Variants in VWC2L observed in about 807,000 individuals in gnomAD.
VWC2L encodes von Willebrand factor C domain containing 2 like.
Under a neutral mutation model 21.6 loss-of-function variants are expected in VWC2L, and 10 were observed. The observed-to-expected ratio is 0.46, with a 90% confidence interval of 0.29 to 0.78. VWC2L has a LOEUF of 0.78. Ranked by LOEUF, VWC2L falls within the 30% of genes least tolerant of loss-of-function variation. VWC2L has a pLI of 0.10. For missense variants in VWC2L, 209 were observed against 277.1 expected (o/e 0.75, Z 1.74); for synonymous variants, 96 against 94.3 (o/e 1.02, Z -0.10).
chr2:214,565,451 C>T (rs1324312106), intron 3 of VWC2L, among the ~76,000 whole-genome samples: 1 of 152,098 alleles, frequency 6.6e-6, no homozygotes, highest in African/African-American at 2.4e-5. Context: ...ACAACTGAAA[C>T]AGACTAATAT....
chr2:214,543,675 G>A (rs529329179), intron 3 of VWC2L, among the ~76,000 whole-genome samples: 1 of 151,912 alleles, frequency 6.6e-6, no homozygotes, highest in African/African-American at 2.4e-5. Flanking sequence ...AAGACTAAGA[G>A]AGGAAAATGA....
chr2:214,486,933 G>C (rs1688680385), intron 3 of VWC2L, among the ~76,000 whole-genome samples: 1 of 152,192 alleles, frequency 6.6e-6, no homozygotes, highest in Admixed American at 6.5e-5. Flanking sequence ...CTCATTCCCA[G>C]CATCTCAGAA....
chr2:214,482,639 T>TAATA (rs1054395025), intron 3 of VWC2L, among the ~76,000 whole-genome samples: 1 of 149,110 alleles, frequency 6.7e-6, no homozygotes. Flanking sequence ...TATTAAAAGT[T>TAATA]AATAAATAAA....
chr2:214,525,969 G>C (rs1483498275), intron 3 of VWC2L, among the ~76,000 whole-genome samples: 3 of 151,846 alleles, frequency 2.0e-5, no homozygotes, highest in African/African-American at 7.3e-5. Flanking sequence ...TACATGTAAG[G>C]CATTTGGAAC....
chr2:214,498,035 C>T (rs1224937004), intron 3 of VWC2L, among the ~76,000 whole-genome samples: 2 of 152,150 alleles, frequency 1.3e-5, no homozygotes, highest in African/African-American at 4.8e-5. Flanking sequence ...GTGGCTGAAG[C>T]TAACAGAGGC....
In VWC2L at chr2:214,577,890, T is replaced by A. The variant is rs1013950076; in HGVS notation, c.*2070T>A. On this transcript the variant is annotated 3_prime_UTR_variant, in exon 4 of 4. Coordinates refer to ENST00000312504, the MANE Select transcript of VWC2L (RefSeq NM_001080500.4). ...GCCGGCACCATCCCGAGGAAGAGCA[T>A]CAAGCCACCTTCCCTTAGAACACCA... 2.0e-5 allele frequency: 3 copies of A among 152,182 alleles called. No homozygotes were observed. Among genetic ancestry groups the A allele is most frequent in the Non-Finnish European group, 4.4e-5 (3 of 68,034 alleles). 9.4% of individuals were successfully genotyped at this position (152,182 alleles called of 1,614,324 possible). A position where few individuals can be genotyped will look rare whatever the true frequency, so the allele number is the denominator to read the frequency against.
chr2:214,448,118 T>G (rs149210312), intron 3 of VWC2L, among the ~76,000 whole-genome samples: 1 of 152,292 alleles, frequency 6.6e-6, no homozygotes, highest in East Asian at 1.9e-4. Flanking sequence ...TACTGCCACA[T>G]AAACAACTAC....
intron 3 of VWC2L, among the ~76,000 whole-genome samples, chr2:214,491,842 T>G (rs945971908): frequency 2.6e-5 from 4 of 152,214 alleles, no homozygotes; most frequent in Admixed American, 2.0e-4. Context: ...TCTCAATTAC[T>G]GTAGTTCCTA....
intron 3 of VWC2L, among the ~76,000 whole-genome samples, chr2:214,462,562 A>T (rs1191281251): frequency 1.3e-5 from 2 of 152,140 alleles, no homozygotes; most frequent in Non-Finnish European, 2.9e-5. Context: ...CTTGATGTTG[A>T]TGATTTTTCT....
intron 3 of VWC2L, among the ~76,000 whole-genome samples, chr2:214,513,107 T>G (rs867948589): frequency 6.6e-6 from 1 of 152,116 alleles, no homozygotes; most frequent in Non-Finnish European, 1.5e-5. Flanking sequence ...ATCGCACAGC[T>G]ACAAATGAGG....
At chr2:214,460,703 T>C (rs1263275243) in intron 3 of VWC2L, among the ~76,000 whole-genome samples, 1 of 152,248 alleles carries the variant, frequency 6.6e-6, no homozygotes, top group African/African-American at 2.4e-5. Context: ...TTTATCTGGG[T>C]TCTCTTGCAT....
At chr2:214,490,058 A>C (rs1393065175) in intron 3 of VWC2L, among the ~76,000 whole-genome samples, 1 of 152,188 alleles carries the variant, frequency 6.6e-6, no homozygotes, top group East Asian at 1.9e-4. Flanking sequence ...CCAGTCTGCC[A>C]CAAATAGCTG....
chr2:214,571,768 CTCTT>C (rs1195810972), intron 3 of VWC2L, among the ~76,000 whole-genome samples: 1 of 152,120 alleles, frequency 6.6e-6, no homozygotes, highest in African/African-American at 2.4e-5. Context: ...TTCATATTCT[CTCTT>C]TCTTTCATTC....
intron 3 of VWC2L, among the ~76,000 whole-genome samples, chr2:214,456,702 T>C (rs541033228): frequency 2.6e-5 from 4 of 152,260 alleles, no homozygotes; most frequent in Non-Finnish European, 5.9e-5. Flanking sequence ...ACTAGTTTTA[T>C]AGTTTGGGGT....
chr2:214,448,071 G>C (rs188487551), intron 3 of VWC2L, among the ~76,000 whole-genome samples: 262 of 152,144 alleles, frequency 1.7e-3, no homozygotes, highest in African/African-American at 5.9e-3. Flanking sequence ...CACCACTGAC[G>C]AGTCCATTTT....
intron 3 of VWC2L, among the ~76,000 whole-genome samples, chr2:214,560,217 C>T (rs1220927122): frequency 6.6e-6 from 1 of 152,120 alleles, no homozygotes; most frequent in Admixed American, 6.6e-5. Context: ...TAATGTGTTA[C>T]TATAAAAACC....
At chr2:214,496,394 G>A (rs944126833) in intron 3 of VWC2L, among the ~76,000 whole-genome samples, 3 of 151,980 alleles carry the variant, frequency 2.0e-5, no homozygotes, top group Non-Finnish European at 4.4e-5. Flanking sequence ...CACAATAATA[G>A]GCATCCTCTT....
intron 3 of VWC2L, among the ~76,000 whole-genome samples, chr2:214,519,416 C>T (rs1018874712): frequency 6.6e-6 from 1 of 152,136 alleles, no homozygotes; most frequent in Non-Finnish European, 1.5e-5. Flanking sequence ...GTCAATATAA[C>T]GTAAATTGCA....
At position 214,576,477 on chromosome 2, in the gene VWC2L, CAATTT is replaced by C. The variant is rs1690231108; in HGVS notation, c.*662_*666del. The C allele has an allele frequency of 1.3e-5, 2 of 152,122 alleles. No homozygotes were observed. Among genetic ancestry groups the C allele is most frequent in the African/African-American group, 2.4e-5 (1 of 41,412 alleles). 9.4% of individuals were successfully genotyped at this position (152,122 alleles called of 1,614,324 possible). A position where few individuals can be genotyped will look rare whatever the true frequency, so the allele number is the denominator to read the frequency against. ...ACTTTGTCCATTACGTGGGGGCTCA[CAATTT>C]AATTCTTACAAACCACACATTTCAT... On this transcript the variant is annotated 3_prime_UTR_variant, in exon 4 of 4. Transcript: ENST00000312504.
Sources: gnomAD v4.1 joint callset for allele counts (sites outside exome capture counted in the v4.1 genomes callset) on GRCh38, gnomAD v4.1.1 for gene constraint, MANE v1.5 for transcripts, NCBI Gene and HGNC (gene_info 2026-07-23, HGNC 2026-07-21) for gene names.